LRRIQ3: variants seen among roughly 807,000 people sequenced by gnomAD.
LRRIQ3 encodes leucine rich repeats and IQ motif containing 3.
A neutral mutation model predicts 59.3 loss-of-function variants in LRRIQ3; 75 were observed. The observed-to-expected ratio is 1.26, with a 90% confidence interval of 1.05 to 1.53. The LOEUF is 1.53. LRRIQ3 is among the 40% of genes most tolerant of loss of function. The pLI is 0.00. For missense variants in LRRIQ3, 831 were observed against 710.0 expected (o/e 1.17, Z -1.94); for synonymous variants, 250 against 231.3 (o/e 1.08, Z -0.73).
In LRRIQ3 at chr1:74,198,087, T is replaced by C; in HGVS notation, c.-92A>G. On this transcript the variant is annotated 5_prime_UTR_variant, in exon 1 of 8. Transcript: ENST00000354431. ...AAATCGCTGGGCGGCCATCTGCTCC[T>C]GAGACCGTTGCTAGAGAAACAAGAC... 1 of 1,263,630 alleles carries C rather than the reference T, an allele frequency of 7.9e-7. No individual in the cohort carries two copies. Among genetic ancestry groups the C allele is most frequent in the Non-Finnish European group, 1.1e-6 (1 of 947,020 alleles). 78.3% of individuals were successfully genotyped at this position (1,263,630 alleles called of 1,614,324 possible).
intron 1 of LRRIQ3, among the ~76,000 whole-genome samples, chr1:74,191,018 A>C (rs1054450481): frequency 6.6e-6 from 1 of 152,146 alleles, no homozygotes; most frequent in Non-Finnish European, 1.5e-5. Flanking sequence ...AGCCACATGG[A>C]ACTGTGAGTC....
At chr1:74,144,477 A>G (rs202139483) in intron 4 of LRRIQ3, 1 of 349,456 alleles carries the variant, frequency 2.9e-6, no homozygotes, top group East Asian at 1.0e-4. Context: ...TAGAAAAAAA[A>G]TGTTTTTTTT....
Position 74,041,545 on chromosome 1 carries a change from A to G in LRRIQ3, c.1386T>C (p.Asn462=). The change falls in exon 7 of 8, where the codon AAT becomes AAC. Residue 462 remains asparagine, a synonymous_variant. Transcript: ENST00000354431. ...RVRVAVNEHL[N]QKKYATQKLI... Reference sequence around the variant, plus strand: ...GTTTTTGTGTAGCATATTTTTTCTGATTCAAATGTTCATTAACAGCTACTC... The same window carrying G: ...GTTTTTGTGTAGCATATTTTTTCTGGTTCAAATGTTCATTAACAGCTACTC... 1 of 1,611,972 alleles carries G rather than the reference A, an allele frequency of 6.2e-7. No individual in the cohort carries two copies. The highest frequency in any genetic ancestry group is 8.5e-7 in the Non-Finnish European group (1 of 1,179,402).
At chr1:74,027,116 G>A in intron 7 of LRRIQ3, 147 bp from the exon 8 acceptor site, 1 of 532,774 alleles carries the variant, frequency 1.9e-6, no homozygotes, top group South Asian at 3.1e-5. Context: ...ATATAACTTG[G>A]TTATATCATT....
At chr1:74,108,888 C>T (rs1298464518) in intron 5 of LRRIQ3, 1 of 402,162 alleles carries the variant, frequency 2.5e-6, no homozygotes, top group East Asian at 9.0e-5. Flanking sequence ...AAATATCTAT[C>T]TATGGTGCTA....
chr1:74,052,486 G>T (rs191162716), intron 6 of LRRIQ3, among the ~76,000 whole-genome samples: 1 of 152,216 alleles, frequency 6.6e-6, no homozygotes, highest in East Asian at 1.9e-4. Flanking sequence ...CACTGAGGAA[G>T]AAATTATAAA....
At chr1:74,193,193 T>C (rs1243206436) in intron 1 of LRRIQ3, among the ~76,000 whole-genome samples, 2 of 152,208 alleles carry the variant, frequency 1.3e-5, no homozygotes, top group Non-Finnish European at 2.9e-5. Flanking sequence ...TTTTGTGAAA[T>C]GTATATACAC....
intron 5 of LRRIQ3, among the ~76,000 whole-genome samples, chr1:74,084,537 A>C (rs1230222549): frequency 6.6e-6 from 1 of 151,758 alleles, no homozygotes; most frequent in African/African-American, 2.4e-5. Flanking sequence ...CATTTCTGAT[A>C]AATATTTAGC....
chr1:74,186,790 T>C (rs1650410454), intron 1 of LRRIQ3, among the ~76,000 whole-genome samples: 2 of 152,128 alleles, frequency 1.3e-5, no homozygotes, highest in Admixed American at 1.3e-4. Context: ...ATCAAAAAGA[T>C]GTCTATTAGA....
intron 4 of LRRIQ3, among the ~76,000 whole-genome samples, chr1:74,150,067 G>A (rs1030186821): frequency 1.3e-5 from 2 of 152,194 alleles, no homozygotes; most frequent in African/African-American, 4.8e-5. Flanking sequence ...GATTAAAATT[G>A]CTGTTATAAT....
chr1:74,134,300 G>A (rs980426424), intron 4 of LRRIQ3, among the ~76,000 whole-genome samples: 7 of 152,022 alleles, frequency 4.6e-5, no homozygotes, highest in Non-Finnish European at 1.0e-4. Flanking sequence ...ACAGTGGGGA[G>A]TTTGTAGCAT....
intron 3 of LRRIQ3, among the ~76,000 whole-genome samples, chr1:74,174,584 G>A (rs1473659414): frequency 6.7e-6 from 1 of 148,490 alleles, no homozygotes; most frequent in African/African-American, 2.5e-5. Context: ...AGTAGAGACA[G>A]AGTTTTACCA....
rs1434969251 is a variant in LRRIQ3, at chr1:74,155,824, TA to T, written c.615del (p.Thr206LeufsTer15). On this transcript the variant is annotated frameshift_variant, in exon 4 of 8. Coordinates refer to ENST00000354431, the MANE Select transcript of LRRIQ3 (RefSeq NM_001105659.2). LOFTEE classifies it high-confidence loss of function. ...YEEEINNIKH[I>X]TSKINAILAH... Reference sequence around the variant, plus strand: ...GCCAGAATTGCATTAATTTTTGAAGTAATATGTTTAATATTATTAATTTCCT... The same window carrying T: ...GCCAGAATTGCATTAATTTTTGAAGTATATGTTTAATATTATTAATTTCCT... The T allele has an allele frequency of 8.3e-6, 13 of 1,560,348 alleles. No homozygotes were observed. Among genetic ancestry groups the T allele is most frequent in the Non-Finnish European group, 1.0e-5 (12 of 1,152,120 alleles).
At chr1:74,066,430 T>A (rs1054756563) in intron 6 of LRRIQ3, among the ~76,000 whole-genome samples, 7 of 152,078 alleles carry the variant, frequency 4.6e-5, no homozygotes, top group African/African-American at 1.7e-4. Context: ...TCTCAAAAAA[T>A]ATTATACAAT....
chr1:74,053,536 A>G (rs980656796), intron 6 of LRRIQ3, among the ~76,000 whole-genome samples: 1 of 152,112 alleles, frequency 6.6e-6, no homozygotes, highest in Non-Finnish European at 1.5e-5. Context: ...AGATGAAAAA[A>G]TGAGCAAGGG....
At chr1:74,155,963 A>T in intron 3 of LRRIQ3, 97 bp from the exon 4 acceptor site, 1 of 721,480 alleles carries the variant, frequency 1.4e-6, no homozygotes. Flanking sequence ...AAATAAACTA[A>T]CAAAATGTTC....
intron 1 of LRRIQ3, among the ~76,000 whole-genome samples, chr1:74,196,352 A>G (rs1474798092): frequency 6.6e-6 from 1 of 152,096 alleles, no homozygotes; most frequent in Non-Finnish European, 1.5e-5. Context: ...CAGACCCCAA[A>G]CATATAGGCT....
At chr1:74,078,305 T>C in intron 5 of LRRIQ3, among the ~76,000 whole-genome samples, 1 of 151,800 alleles carries the variant, frequency 6.6e-6, no homozygotes, top group Non-Finnish European at 1.5e-5. Flanking sequence ...CTGGTCAACG[T>C]TTATATAAAT....
intron 3 of LRRIQ3, among the ~76,000 whole-genome samples, chr1:74,163,750 C>T (rs77742284): frequency 0.02 from 2,967 of 151,502 alleles, 55 homozygotes; most frequent in Non-Finnish European, 0.027. Context: ...GAACATAAGC[C>T]TTCATTTCTC....
Sources: allele counts gnomAD v4.1 joint callset (sites outside exome capture counted in the v4.1 genomes callset), GRCh38; gene constraint gnomAD v4.1.1; transcripts MANE v1.5; gene names NCBI Gene and HGNC (gene_info 2026-07-23, HGNC 2026-07-21).